ERC2: variants seen among roughly 807,000 people sequenced by gnomAD.
ERC2 encodes the protein ELKS/RAB6-interacting/CAST family member 2.
Under a neutral mutation model 114.8 loss-of-function variants are expected in ERC2, and 42 were observed. That is an observed-to-expected ratio of 0.37 (90% CI 0.29 to 0.47). The LOEUF is 0.47. ERC2 is among the 20% of genes least tolerant of loss of function. ERC2 has a pLI of 0.99. For synonymous variants in ERC2, 454 were observed against 425.5 expected (o/e 1.07, Z -0.82); for missense variants, 939 against 1,150.7 (o/e 0.82, Z 2.66).
intron 14 of ERC2, among the ~76,000 whole-genome samples, chr3:55,759,334 C>T (rs2067258769): frequency 6.6e-6 from 1 of 151,876 alleles, no homozygotes; most frequent in Non-Finnish European, 1.5e-5. Context: ...ATGACTGCTC[C>T]ACAGTTCACT....
At chr3:56,054,066 C>A (rs1237358437) in intron 7 of ERC2, among the ~76,000 whole-genome samples, 1 of 152,128 alleles carries the variant, frequency 6.6e-6, no homozygotes, top group Non-Finnish European at 1.5e-5. Context: ...ACTTTGCTAA[C>A]AGCTGGCAAT....
intron 17 of ERC2, among the ~76,000 whole-genome samples, chr3:55,521,494 G>T: frequency 6.6e-6 from 1 of 152,350 alleles, no homozygotes; most frequent in African/African-American, 2.4e-5. Flanking sequence ...GAGAAGAAGA[G>T]AGAGAGAAAG....
chr3:55,583,544 T>TCTTCCTTCCTTCCTTC (rs377125700), intron 17 of ERC2, among the ~76,000 whole-genome samples: 17 of 39,048 alleles, frequency 4.4e-4, no homozygotes, highest in Non-Finnish European at 6.4e-4. Flanking sequence ...TTCCTTCCTT[T>TCTTCCTTCCTTCCTTC]CTTCCTTCCT....
intron 17 of ERC2, among the ~76,000 whole-genome samples, chr3:55,588,846 TC>T (rs1033876719): frequency 6.6e-6 from 1 of 151,920 alleles, no homozygotes; most frequent in African/African-American, 2.4e-5. Context: ...GCTACAGCAA[TC>T]CTGCACACTG....
intron 3 of ERC2, among the ~76,000 whole-genome samples, chr3:56,238,468 C>T (rs569437924): frequency 6.6e-6 from 1 of 152,338 alleles, no homozygotes; most frequent in Non-Finnish European, 1.5e-5. Flanking sequence ...GTCATTACCA[C>T]CTGCTCAGGT....
intron 3 of ERC2, among the ~76,000 whole-genome samples, chr3:56,269,039 G>GA (rs977626502): frequency 4.6e-5 from 7 of 151,698 alleles, no homozygotes; most frequent in Non-Finnish European, 1.0e-4. Flanking sequence ...AATTATAATA[G>GA]AAAAAAAATT....
intron 17 of ERC2, among the ~76,000 whole-genome samples, chr3:55,551,155 T>A (rs1195529523): frequency 6.6e-6 from 1 of 152,028 alleles, no homozygotes; most frequent in East Asian, 1.9e-4. Flanking sequence ...TATACACACA[T>A]ATATATACAC....
chr3:56,101,376 CAT>C (rs1428487554), intron 6 of ERC2, among the ~76,000 whole-genome samples: 2 of 119,906 alleles, frequency 1.7e-5, no homozygotes, highest in Non-Finnish European at 3.6e-5. Flanking sequence ...GAAACATCCA[CAT>C]ACGTGCTTCA....
chr3:55,746,918 G>C (rs2066344687), intron 14 of ERC2, among the ~76,000 whole-genome samples: 1 of 152,140 alleles, frequency 6.6e-6, no homozygotes, highest in Non-Finnish European at 1.5e-5. Flanking sequence ...GGCTTTTAAG[G>C]CATCCTCAAA....
chr3:56,137,917 T>C (rs2080607897), intron 6 of ERC2, among the ~76,000 whole-genome samples: 1 of 152,210 alleles, frequency 6.6e-6, no homozygotes, highest in Middle Eastern at 3.2e-3. Flanking sequence ...CTAGATACTA[T>C]TCACTGCTGC....
At chr3:56,365,759 C>G (rs2059126137) in intron 2 of ERC2, among the ~76,000 whole-genome samples, 1 of 152,148 alleles carries the variant, frequency 6.6e-6, no homozygotes, top group South Asian at 2.1e-4. Flanking sequence ...TATGTATTAC[C>G]TATGTCTGCT....
chr3:55,798,870 A>AAAGTTTAAGATGT (rs1553682187), intron 14 of ERC2, among the ~76,000 whole-genome samples: 5 of 151,862 alleles, frequency 3.3e-5, no homozygotes, highest in Non-Finnish European at 7.4e-5. Context: ...AGCCAAGAAG[A>AAAGTTTAAGATGT]AAGAAGGTAT....
chr3:55,693,865 C>T (rs771254572), intron 16 of ERC2, among the ~76,000 whole-genome samples: 8 of 152,026 alleles, frequency 5.3e-5, no homozygotes, highest in Non-Finnish European at 4.4e-5. Context: ...CTCACCACCA[C>T]ACCCGGCTAA....
intron 3 of ERC2, among the ~76,000 whole-genome samples, chr3:56,209,870 C>A (rs1384317998): frequency 6.6e-6 from 1 of 152,092 alleles, no homozygotes; most frequent in Non-Finnish European, 1.5e-5. Context: ...GCATTCAGTC[C>A]CTTCAGGCAG....
At chr3:55,850,844 A>AG (rs1175158700) in intron 14 of ERC2, among the ~76,000 whole-genome samples, 1 of 138,406 alleles carries the variant, frequency 7.2e-6, no homozygotes, top group Admixed American at 7.8e-5. Context: ...ACTCTTTTTC[A>AG]AACACACACA....
chr3:55,576,076 C>T (rs920939843), intron 17 of ERC2, among the ~76,000 whole-genome samples: 1 of 152,078 alleles, frequency 6.6e-6, no homozygotes. Context: ...TTTGAGAGGC[C>T]GAGGTGGGTG....
chr3:55,579,403 C>T (rs1338832969), intron 17 of ERC2, among the ~76,000 whole-genome samples: 2 of 152,150 alleles, frequency 1.3e-5, no homozygotes, highest in Non-Finnish European at 2.9e-5. Flanking sequence ...CAAGTTACAA[C>T]AGGCATCTGC....
intron 2 of ERC2, among the ~76,000 whole-genome samples, chr3:56,301,637 G>A (rs2055882797): frequency 6.6e-6 from 1 of 151,952 alleles, no homozygotes; most frequent in Admixed American, 6.6e-5. Context: ...TTGGGAGGCT[G>A]AGAGGATCAC....
chr3:56,107,003 G>A (rs1017511462), intron 6 of ERC2, among the ~76,000 whole-genome samples: 3 of 152,136 alleles, frequency 2.0e-5, no homozygotes, highest in Non-Finnish European at 2.9e-5. Flanking sequence ...TTAGGACCAC[G>A]TAATGCATTC....
Sources: gnomAD v4.1 joint callset for allele counts (sites outside exome capture counted in the v4.1 genomes callset) on GRCh38, gnomAD v4.1.1 for gene constraint, MANE v1.5 for transcripts, NCBI Gene and HGNC (gene_info 2026-07-23, HGNC 2026-07-21) for gene names.